Variants in TSPAN9 observed in about 807,000 individuals in gnomAD.
TSPAN9 encodes the protein tetraspanin-9.
Under a neutral mutation model 31.0 loss-of-function variants are expected in TSPAN9, and 16 were observed. The observed-to-expected ratio is 0.52, with a 90% CI of 0.35 to 0.78. The LOEUF (loss-of-function observed/expected upper bound fraction) is 0.78, where lower values mean the gene tolerates loss of function less well. Ranked by LOEUF, TSPAN9 falls within the 30% of genes least tolerant of loss-of-function variation. The pLI is 0.01. For synonymous variants in TSPAN9, 145 were observed against 121.6 expected (o/e 1.19, Z -1.27); for missense variants, 272 against 312.5 (o/e 0.87, Z 0.98).
chr12:3,093,453 G>T (rs1372864771), intron 2 of TSPAN9, among the ~76,000 whole-genome samples: 1 of 152,170 alleles, frequency 6.6e-6, no homozygotes, highest in Non-Finnish European at 1.5e-5. Context: ...AGTGTCCTCA[G>T]GTCTGTGGGG....
chr12:3,098,232 G>T (rs2098310111), intron 2 of TSPAN9, among the ~76,000 whole-genome samples: 2 of 152,232 alleles, frequency 1.3e-5, no homozygotes, highest in Non-Finnish European at 2.9e-5. Context: ...TCTGGCTTAA[G>T]AGTTACCTGA....
intron 2 of TSPAN9, among the ~76,000 whole-genome samples, chr12:3,142,882 T>C (rs1361436303): frequency 1.3e-5 from 2 of 152,260 alleles, no homozygotes; most frequent in East Asian, 3.8e-4. Flanking sequence ...GCCCTTTTTC[T>C]GTACCAGGAG....
In TSPAN9 at chr12:3,107,564, T is replaced by C. The variant is rs1049933507; in HGVS notation, c.-18+23845T>C. Reference sequence around the variant, plus strand: ...TCCCTGTGCCCTTCATCTGGGGCCATGCATGCCTCTTGTTAGGTCTGGCTT... The same window carrying C: ...TCCCTGTGCCCTTCATCTGGGGCCACGCATGCCTCTTGTTAGGTCTGGCTT... On this transcript the variant is annotated intron_variant, in intron 2 of 8. Coordinates refer to ENST00000011898, the MANE Select transcript of TSPAN9 (RefSeq NM_006675.5). This position sits in a 1 kb window ranked among gnomAD's most constrained non-coding sequence, Gnocchi z 4.1. 1.3e-5 allele frequency among the ~76,000 whole-genome samples: 2 copies of C among 152,126 alleles called. No homozygotes were observed. Among genetic ancestry groups the C allele is most frequent in the Non-Finnish European group, 2.9e-5 (2 of 68,032 alleles).
intron 2 of TSPAN9, among the ~76,000 whole-genome samples, chr12:3,088,710 C>G (rs891354622): frequency 2.6e-5 from 4 of 152,122 alleles, no homozygotes; most frequent in African/African-American, 9.7e-5. Context: ...CAGAGGGGAT[C>G]AGGCTGGGCC....
chr12:3,131,759 A>AT (rs144728828), intron 2 of TSPAN9, among the ~76,000 whole-genome samples: 137 of 139,538 alleles, frequency 9.8e-4, no homozygotes, highest in African/African-American at 4.4e-3. Context: ...TTTTAAAAAC[A>AT]TTTTTTTTCT....
At chr12:3,261,413 C>T (rs1357509112) in intron 3 of TSPAN9, among the ~76,000 whole-genome samples, 3 of 152,136 alleles carry the variant, frequency 2.0e-5, no homozygotes, top group African/African-American at 7.2e-5. Flanking sequence ...AGAGTTATAT[C>T]TGGCAAGGGG....
chr12:3,090,211 T>C (rs2098303517), intron 2 of TSPAN9, among the ~76,000 whole-genome samples: 1 of 132,006 alleles, frequency 7.6e-6, no homozygotes, highest in Non-Finnish European at 1.6e-5. Context: ...AACAACCTTA[T>C]TCTTTTCCGT....
At chr12:3,281,861 C>T (rs1862901875) in intron 8 of TSPAN9, 44 bp downstream of exon 8, 1 of 1,604,202 alleles carries the variant, frequency 6.2e-7, no homozygotes, top group African/African-American at 1.3e-5. Flanking sequence ...CTGCTGGCCT[C>T]AGCCTCAGAG....
At chr12:3,209,578 G>A (rs761566498) in intron 3 of TSPAN9, among the ~76,000 whole-genome samples, 32 of 152,148 alleles carry the variant, frequency 2.1e-4, no homozygotes, top group Admixed American at 4.6e-4. Context: ...GAGAGCACAC[G>A]TGACTCGCCT....
At chr12:3,089,957 A>C (rs1346401311) in intron 2 of TSPAN9, among the ~76,000 whole-genome samples, 1 of 152,038 alleles carries the variant, frequency 6.6e-6, no homozygotes, top group African/African-American at 2.4e-5. Flanking sequence ...TTTGTTGCAA[A>C]ATAATAAAAA....
intron 3 of TSPAN9, among the ~76,000 whole-genome samples, chr12:3,264,240 C>G (rs1165954330): frequency 6.6e-6 from 1 of 152,014 alleles, no homozygotes; most frequent in Non-Finnish European, 1.5e-5. Context: ...TCGAATGGGG[C>G]ACAGGGGACC....
At chr12:3,210,129 G>A (rs9669210) in intron 3 of TSPAN9, among the ~76,000 whole-genome samples, 73,103 of 133,598 alleles carry the variant, frequency 0.55, 19,536 homozygotes, top group Middle Eastern at 0.7. Context: ...GCAAGACTCC[G>A]TCTCAAAAAA....
Position 3,281,246 on chromosome 12 carries a change from G to C in TSPAN9, c.481G>C (p.Gly161Arg). 1 of 1,551,406 alleles carries C rather than the reference G, an allele frequency of 6.4e-7. No individual in the cohort carries two copies. Among genetic ancestry groups the C allele is most frequent in the Non-Finnish European group, 8.7e-7 (1 of 1,147,002 alleles). The change falls in exon 7 of 9, where the codon GGG (glycine) becomes CGG (arginine). Residue 161 changes from glycine (G) to arginine (R), a missense_variant. Physicochemically the swap from Gly to Arg is moderately radical, Grantham distance 125. Transcript: ENST00000011898. ...TDYTDWYPVLGENTVPDRCCM... is the reference protein window; with the variant it reads ...TDYTDWYPVLRENTVPDRCCM... Reference sequence around the variant, plus strand: ...CTACACAGACTGGTACCCAGTGCTGGGGGAGAACACGGTTCCCGACCGCTG... The same window carrying C: ...CTACACAGACTGGTACCCAGTGCTGCGGGAGAACACGGTTCCCGACCGCTG...
intron 2 of TSPAN9, among the ~76,000 whole-genome samples, chr12:3,114,785 G>A (rs1453719166): frequency 1.3e-5 from 2 of 149,952 alleles, no homozygotes; most frequent in African/African-American, 2.5e-5. Context: ...GGAGGTTGCA[G>A]TGAACCGAGG....
At chr12:3,211,132 AGAT>A (rs55673801) in intron 3 of TSPAN9, among the ~76,000 whole-genome samples, 81,153 of 151,752 alleles carry the variant, frequency 0.53, 22,468 homozygotes, top group Middle Eastern at 0.68. Flanking sequence ...AAGTGACTGA[AGAT>A]GAGTTCCTGG....
chr12:3,138,694 A>C (rs1488501741), intron 2 of TSPAN9, among the ~76,000 whole-genome samples: 2 of 151,264 alleles, frequency 1.3e-5, no homozygotes, highest in Admixed American at 6.6e-5. Context: ...GGGTTTCGTC[A>C]TGTTGGCCAG....
At chr12:3,113,341 A>G (rs1316060787) in intron 2 of TSPAN9, among the ~76,000 whole-genome samples, 2 of 152,096 alleles carry the variant, frequency 1.3e-5, no homozygotes, top group African/African-American at 4.8e-5. Context: ...ATGCCTGGGG[A>G]GGCTCATTCC....
chr12:3,206,526 C>T (rs140262608), intron 3 of TSPAN9: 1 of 265,460 alleles, frequency 3.8e-6, no homozygotes, highest in African/African-American at 2.2e-5. Context: ...TCTGACTCTC[C>T]TGCTCTGAAA....
intron 3 of TSPAN9, among the ~76,000 whole-genome samples, chr12:3,269,250 G>C (rs1201650952): frequency 1.2e-4 from 3 of 26,044 alleles, no homozygotes; most frequent in Non-Finnish European, 1.6e-4. Context: ...AGCCTGCCCT[G>C]TGTTCCTGCA....
Sources: gnomAD v4.1 joint callset for allele counts (sites outside exome capture counted in the v4.1 genomes callset) on GRCh38, gnomAD v4.1.1 for gene constraint, Gnocchi (gnomAD v3.1) non-coding constraint, MANE v1.5 for transcripts, NCBI Gene and HGNC (gene_info 2026-07-23, HGNC 2026-07-21) for gene names.